Variants in DNAH7 observed in about 807,000 individuals in gnomAD.
DNAH7 encodes the protein axonemal beta dynein heavy chain 7.
A neutral mutation model predicts 444.6 loss-of-function variants in DNAH7; 397 were observed. That is an observed-to-expected ratio of 0.89 (90% CI 0.82 to 0.97). The LOEUF is 0.97. Among genes scored for constraint, DNAH7 ranks in the 50% least tolerant of loss-of-function variants. The pLI is 0.00. For missense variants in DNAH7, 4,902 were observed against 4,800.8 expected, an observed-to-expected ratio of 1.02 and a Z score of -0.62; for synonymous variants, 1,636 against 1,624.4, an observed-to-expected ratio of 1.01 and a Z score of -0.17.
chr2:195,892,106 A>C (rs1702046904), intron 30 of DNAH7, among the ~76,000 whole-genome samples: 1 of 152,252 alleles, frequency 6.6e-6, no homozygotes, highest in Non-Finnish European at 1.5e-5. Context: ...TAAACTAAGA[A>C]ATGGGTTGGC....
chr2:195,866,044 T>C (rs188058582), intron 40 of DNAH7, among the ~76,000 whole-genome samples: 2 of 152,216 alleles, frequency 1.3e-5, no homozygotes, highest in Admixed American at 1.3e-4. Context: ...AACTAATACA[T>C]ATATGCTATA....
chr2:195,852,026 A>G (rs563725711), intron 46 of DNAH7, among the ~76,000 whole-genome samples: 2 of 152,176 alleles, frequency 1.3e-5, no homozygotes, highest in African/African-American at 2.4e-5. Flanking sequence ...TGGGAGGGCA[A>G]GGTGGGCAGA....
At chr2:195,764,552 A>G (rs1342066483) in intron 61 of DNAH7, among the ~76,000 whole-genome samples, 1 of 152,172 alleles carries the variant, frequency 6.6e-6, no homozygotes, top group Non-Finnish European at 1.5e-5. Context: ...AGGATATAAA[A>G]TCAACGTACA....
At chr2:195,873,524 T>C in intron 39 of DNAH7, 44 bp downstream of exon 39, 1 of 1,142,956 alleles carries the variant, frequency 8.7e-7, no homozygotes, top group Non-Finnish European at 1.2e-6. Context: ...TCTAAAATAT[T>C]TTATACCTCC....
At chr2:196,065,778 A>C (rs1698395956) in intron 1 of DNAH7, among the ~76,000 whole-genome samples, 1 of 152,244 alleles carries the variant, frequency 6.6e-6, no homozygotes, top group Admixed American at 6.5e-5. Context: ...TCAATGACCC[A>C]TCAGGCCTAG....
intron 41 of DNAH7, among the ~76,000 whole-genome samples, chr2:195,863,675 C>A (rs186217751): frequency 6.6e-6 from 1 of 152,152 alleles, no homozygotes; most frequent in Non-Finnish European, 1.5e-5. Flanking sequence ...CTGAGTTCTA[C>A]GTTTCTGGTT....
At chr2:195,766,076 A>G (rs1694563156) in intron 61 of DNAH7, among the ~76,000 whole-genome samples, 1 of 151,988 alleles carries the variant, frequency 6.6e-6, no homozygotes, top group Admixed American at 6.6e-5. Context: ...TTGCAACAAA[A>G]TGGATGGAAC....
At chr2:196,033,223 A>G (rs1696171784) in intron 5 of DNAH7, among the ~76,000 whole-genome samples, 1 of 152,196 alleles carries the variant, frequency 6.6e-6, no homozygotes, top group Non-Finnish European at 1.5e-5. Context: ...TAAGGTAAAA[A>G]GTGTTATGAT....
In DNAH7 at chr2:195,809,864, T is replaced by A. The variant is rs1161931468; in HGVS notation, c.9769A>T (p.Ile3257Phe). 4 of 1,564,134 alleles carry A rather than the reference T, an allele frequency of 2.6e-6. No homozygotes were observed. The highest frequency in any genetic ancestry group is 1.7e-6 in the Non-Finnish European group (2 of 1,155,994). The stretch of plus-strand genomic sequence containing the variant: ...GAATAAGTAAAGTGATCCTTGAGAA[T>A]CTGAAGCCTAAGGGTCAACAGAAAA... The part of the protein sequence containing the change: ...KSEILAKRLQ[I>F]LKDHFTYSLY... Residue 3257 changes from isoleucine (I) to phenylalanine (F), a missense_variant, in exon 52 of 65, where the codon ATT (isoleucine) becomes TTT (phenylalanine). Ile to Phe is a conservative substitution (Grantham distance 21). Coordinates refer to ENST00000312428, the MANE Select transcript of DNAH7 (RefSeq NM_018897.3).
In DNAH7 at chr2:195,925,252, TA is replaced by T. The variant is rs569096251; in HGVS notation, c.3612+1173del. Among the ~76,000 whole-genome samples the T allele has an allele frequency of 1.4e-3, 217 of 152,220 alleles. 1 individual carries two copies. The highest frequency in any genetic ancestry group is 4.8e-3 in the African/African-American group (198 of 41,530). ...AATTTTCTTCTTCAGTAGCAAAAAA[TA>T]AACTTCTGTCCCACCCATGTTCAAC... On this transcript the variant is annotated intron_variant, in intron 22 of 64. Coordinates refer to ENST00000312428, the MANE Select transcript of DNAH7 (RefSeq NM_018897.3).
intron 48 of DNAH7, among the ~76,000 whole-genome samples, chr2:195,833,548 C>G (rs1430339470): frequency 2.0e-5 from 3 of 152,116 alleles, no homozygotes; most frequent in Non-Finnish European, 4.4e-5. Flanking sequence ...TGTAAATAGT[C>G]AAAATTTGAT....
chr2:195,837,859 C>T (rs1698458164), intron 47 of DNAH7, among the ~76,000 whole-genome samples: 1 of 151,886 alleles, frequency 6.6e-6, no homozygotes, highest in African/African-American at 2.4e-5. Flanking sequence ...TTTTTCTTAC[C>T]ACTTTGCCCC....
Position 196,000,791 on chromosome 2 carries a change from A to G in DNAH7, c.1266T>C (p.Tyr422=). The change falls in exon 12 of 65, where the codon TAT becomes TAC. Residue 422 remains tyrosine (Y), a synonymous_variant. Coordinates refer to ENST00000312428, the MANE Select transcript of DNAH7 (RefSeq NM_018897.3). ...TIKFEPELSD[Y]IDIFLNVYDV... ...CATAAACATTTAGAAAGATATCTATATAGTCACTCAACTCAGGTTCAAACT... is the reference window on the plus strand; with the variant it reads ...CATAAACATTTAGAAAGATATCTATGTAGTCACTCAACTCAGGTTCAAACT... 6.2e-7 allele frequency: 1 copy of G among 1,608,964 alleles called. No individual in the cohort carries two copies. Among genetic ancestry groups the G allele is most frequent in the African/African-American group, 1.3e-5 (1 of 74,924 alleles).
intron 61 of DNAH7, among the ~76,000 whole-genome samples, chr2:195,771,184 G>T (rs576365208): frequency 6.6e-6 from 1 of 151,584 alleles, no homozygotes; most frequent in Non-Finnish European, 1.5e-5. Flanking sequence ...AAATAAAATA[G>T]AATAAAATAG....
At chr2:195,848,742 G>A (rs1418688084) in intron 46 of DNAH7, among the ~76,000 whole-genome samples, 3 of 152,190 alleles carry the variant, frequency 2.0e-5, no homozygotes, top group Non-Finnish European at 4.4e-5. Context: ...TTTCCTGGGG[G>A]TTGGGTATTT....
intron 19 of DNAH7, among the ~76,000 whole-genome samples, chr2:195,950,212 T>C (rs1222316748): frequency 6.6e-6 from 1 of 151,974 alleles, no homozygotes; most frequent in African/African-American, 2.4e-5. Context: ...CTGGTAGAAT[T>C]CGGCTGTGAA....
intron 5 of DNAH7, among the ~76,000 whole-genome samples, chr2:196,040,753 T>A (rs1391976555): frequency 1.3e-5 from 2 of 152,092 alleles, no homozygotes; most frequent in African/African-American, 4.8e-5. Context: ...AAGGGCATCC[T>A]AATTGGAAAG....
intron 22 of DNAH7, among the ~76,000 whole-genome samples, 193 bp downstream of exon 22, chr2:195,926,233 A>G (rs1352255287): frequency 6.6e-6 from 1 of 152,194 alleles, no homozygotes; most frequent in East Asian, 1.9e-4. Flanking sequence ...ATAAATTTTG[A>G]AATTATTGGT....
chr2:195,750,811 AT>A (rs1351732095), intron 63 of DNAH7, among the ~76,000 whole-genome samples: 1 of 152,212 alleles, frequency 6.6e-6, no homozygotes, highest in Non-Finnish European at 1.5e-5. Flanking sequence ...CACCATAGGT[AT>A]CCATGCTGTT....
Sources: gnomAD v4.1 joint callset for allele counts (sites outside exome capture counted in the v4.1 genomes callset) on GRCh38, gnomAD v4.1.1 for gene constraint, MANE v1.5 for transcripts, NCBI Gene and HGNC (gene_info 2026-07-23, HGNC 2026-07-21) for gene names.